ERICH2: variants seen among roughly 807,000 people sequenced by gnomAD.
The protein encoded by ERICH2 is glutamate rich 2, also known as glutamate-rich protein 2.
Under a neutral mutation model 17.4 loss-of-function variants are expected in ERICH2, and 17 were observed. The ratio of observed to expected loss-of-function variants is 0.98; its 90% CI spans 0.67 to 1.47. The LOEUF is 1.47. Among genes scored for constraint, ERICH2 ranks in the 40% most tolerant of loss-of-function variants. The pLI is 0.00. For synonymous variants in ERICH2, 51 were observed against 61.1 expected (o/e 0.83, Z 0.77); for missense variants, 186 against 183.2 (o/e 1.01, Z -0.09).
chr2:170,779,677 G>T, upstream of ERICH2: 1 of 207,214 alleles, frequency 4.8e-6, no homozygotes, highest in Non-Finnish European at 8.4e-6. Flanking sequence ...ACTCAGCGCT[G>T]ACTGAGCTTG....
the ERICH2 span, among the ~76,000 whole-genome samples, chr2:170,773,140 C>G: frequency 6.6e-6 from 1 of 152,100 alleles, no homozygotes; most frequent in Non-Finnish European, 1.5e-5. Context: ...TTCTGAATCT[C>G]GTGGCTAATT....
At chr2:170,798,251 G>GT (rs1257828669) in intron 4 of ERICH2, 139 bp downstream of exon 9, 2 of 659,132 alleles carry the variant, frequency 3.0e-6, no homozygotes, top group African/African-American at 3.6e-5. Flanking sequence ...AAATGGTTTA[G>GT]TGAAACAGCT....
intron 2 of ERICH2, among the ~76,000 whole-genome samples, chr2:170,787,859 A>G (rs1002224843): frequency 2.6e-5 from 4 of 152,196 alleles, no homozygotes; most frequent in African/African-American, 4.8e-5. Context: ...TCCCTACTCT[A>G]AGAAATATCA....
chr2:170,778,036 AAATT>A, the ERICH2 span: 1 of 186,012 alleles, frequency 5.4e-6, no homozygotes, highest in East Asian at 1.3e-4. Flanking sequence ...ATGTACTTTA[AAATT>A]AACAAATTAT....
chr2:170,795,381 T>C (rs1701391848), intron 3 of ERICH2, among the ~76,000 whole-genome samples: 1 of 152,132 alleles, frequency 6.6e-6, no homozygotes, highest in South Asian at 2.1e-4. Flanking sequence ...ACGGTCTCAC[T>C]CTGTCACCCA....
intron 3 of ERICH2, among the ~76,000 whole-genome samples, chr2:170,794,397 G>T (rs1701368119): frequency 6.6e-6 from 1 of 151,982 alleles, no homozygotes; most frequent in Non-Finnish European, 1.5e-5. Context: ...GTGAGCCATA[G>T]CACCTGGCTC....
At chr2:170,791,462 C>T (rs934969291) in intron 2 of ERICH2, among the ~76,000 whole-genome samples, 1 of 150,352 alleles carries the variant, frequency 6.7e-6, no homozygotes, top group Admixed American at 6.7e-5. Context: ...GAGGCCGAGG[C>T]GGGCGGATCA....
At chr2:170,781,168 T>A (rs1346138412), upstream of ERICH2, among the ~76,000 whole-genome samples, 1 of 152,196 alleles carries the variant, frequency 6.6e-6, no homozygotes, top group Non-Finnish European at 1.5e-5. Context: ...ACCACTAACT[T>A]AACTACTAAT....
At chr2:170,784,073 T>A (rs187349771) in intron 1 of ERICH2, among the ~76,000 whole-genome samples, 1 of 152,268 alleles carries the variant, frequency 6.6e-6, no homozygotes, top group Admixed American at 6.5e-5. Context: ...TCTAACACAA[T>A]GTATATACAC....
intron 2 of ERICH2, among the ~76,000 whole-genome samples, chr2:170,790,310 C>A (rs529001733): frequency 9.2e-5 from 14 of 151,902 alleles, no homozygotes; most frequent in Admixed American, 3.3e-4. Context: ...GCCTGGCCAA[C>A]ATGATGAAAT....
the ERICH2 span, chr2:170,775,674 G>A: frequency 6.6e-6 from 1 of 152,542 alleles, no homozygotes; most frequent in Non-Finnish European, 1.5e-5. Context: ...CCACAACTGT[G>A]TTTCCCCAAA....
intron 1 of ERICH2, 107 bp from the exon 7 acceptor site, chr2:170,784,539 T>C (rs1323533411): frequency 1.8e-6 from 1 of 546,130 alleles, no homozygotes; most frequent in Non-Finnish European, 3.1e-6. Flanking sequence ...GATAATTATG[T>C]TACTTTTATT....
exon 3 of ERICH2, chr2:170,792,899 G>A (rs1014132727): frequency 1.1e-5 from 16 of 1,510,612 alleles, no homozygotes; most frequent in Non-Finnish European, 1.3e-5. Context: ...GTACCAGCTG[G>A]CAAAAAAATT....
chr2:170,777,561 A>G, the ERICH2 span: 1 of 1,097,880 alleles, frequency 9.1e-7, no homozygotes, highest in Non-Finnish European at 1.2e-6. Flanking sequence ...TCCTTTTAAA[A>G]ATCCTAAATA....
rs1051234662 is a variant in ERICH2 at position 170,792,439 on chromosome 2, G to A, written c.217-424G>A. ...AAAAACAAAACTGGATGATATAAGA[G>A]CAATGCTGGAAAATATCAAATGTAC... On this transcript the variant is annotated intron_variant, in intron 2 of 4. Transcript: ENST00000409885. Among the ~76,000 whole-genome samples, 3 of 152,046 alleles carry A rather than the reference G, an allele frequency of 2.0e-5. No individual in the cohort carries two copies. The East Asian group carries it at 5.8e-4, about 29-fold the overall frequency.
At chr2:170,797,958 A>G in intron 3 of ERICH2, 83 bp from the exon 9 acceptor site, 1 of 870,622 alleles carries the variant, frequency 1.1e-6, no homozygotes, top group South Asian at 1.5e-5. Context: ...TCTGACTGAC[A>G]GTTCAATTTC....
chr2:170,786,128 GC>G (rs35686904), intron 2 of ERICH2, among the ~76,000 whole-genome samples: 36,776 of 151,744 alleles, frequency 0.24, 5,384 homozygotes, highest in South Asian at 0.34. Context: ...CTGGATCATA[GC>G]TTTCTGTAGA....
upstream of ERICH2, among the ~76,000 whole-genome samples, chr2:170,781,675 T>A (rs1397296124): frequency 2.1e-5 from 2 of 95,710 alleles, no homozygotes; most frequent in African/African-American, 5.9e-5. Context: ...CCCACAAGCA[T>A]AGGGTGCTGT....
chr2:170,797,951 G>T, intron 3 of ERICH2, 90 bp from the exon 9 acceptor site: 1 of 830,222 alleles, frequency 1.2e-6, no homozygotes, highest in South Asian at 1.5e-5. Context: ...CACCTGCTCT[G>T]ACTGACAGTT....
Sources: allele counts gnomAD v4.1 joint callset (sites outside exome capture counted in the v4.1 genomes callset), GRCh38; gene constraint gnomAD v4.1.1; transcripts MANE v1.5; gene names NCBI Gene and HGNC (gene_info 2026-07-23, HGNC 2026-07-21).